The following PCDH15 variants were observed in gnomAD, a reference collection of about 807,000 sequenced individuals.
PCDH15 encodes the protein protocadherin related 15, also known as protocadherin-15.
In PCDH15, 129 loss-of-function variants were observed where a neutral mutation model predicts 178.5. That is an observed-to-expected ratio of 0.72 (90% CI 0.63 to 0.84). PCDH15 has a LOEUF of 0.84. Among genes scored for constraint, PCDH15 ranks in the 40% least tolerant of loss-of-function variants. PCDH15 has a pLI of 0.00. For synonymous variants in PCDH15, 800 were observed against 732.0 expected (o/e 1.09, Z -1.50); for missense variants, 2,230 against 2,099.9 (o/e 1.06, Z -1.21).
chr10:55,030,412 C>T (rs888494645), intron 2 of PCDH15, among the ~76,000 whole-genome samples: 2 of 152,124 alleles, frequency 1.3e-5, no homozygotes, highest in African/African-American at 4.8e-5. Context: ...AGAATAAACA[C>T]AGCTAATATT....
At chr10:54,621,712 C>A (rs1249284086) in intron 2 of PCDH15, among the ~76,000 whole-genome samples, 1 of 151,978 alleles carries the variant, frequency 6.6e-6, no homozygotes, top group Non-Finnish European at 1.5e-5. Context: ...TCCCATTTTT[C>A]TCCGCACAAT....
intron 15 of PCDH15, among the ~76,000 whole-genome samples, chr10:54,117,554 G>T (rs1365951455): frequency 6.6e-6 from 1 of 152,142 alleles, no homozygotes; most frequent in Non-Finnish European, 1.5e-5. Flanking sequence ...CCAACCAGCA[G>T]GTCCTGAGTT....
At chr10:54,081,780 A>G (rs1288364013) in intron 16 of PCDH15, among the ~76,000 whole-genome samples, 3 of 152,162 alleles carry the variant, frequency 2.0e-5, no homozygotes, top group South Asian at 2.1e-4. Context: ...TAAAGCATCA[A>G]TAACACTGCT....
intron 3 of PCDH15, among the ~76,000 whole-genome samples, chr10:54,453,482 C>T (rs2076612423): frequency 6.6e-6 from 1 of 151,686 alleles, no homozygotes; most frequent in South Asian, 2.1e-4. Flanking sequence ...GGAAGGGGAA[C>T]ATCACACACC....
At chr10:54,064,692 G>A (rs1294631291) in intron 18 of PCDH15, among the ~76,000 whole-genome samples, 1 of 152,152 alleles carries the variant, frequency 6.6e-6, no homozygotes, top group Non-Finnish European at 1.5e-5. Context: ...ACCCAAGCAC[G>A]CACACACCCA....
chr10:54,037,521 T>C (rs796594617), intron 18 of PCDH15, among the ~76,000 whole-genome samples: 6 of 146,806 alleles, frequency 4.1e-5, no homozygotes, highest in African/African-American at 1.5e-4. Context: ...AACACTTTAA[T>C]TAAGGTATGG....
chr10:54,632,330 A>C lies in PCDH15; in HGVS notation c.91+31842T>G, dbSNP rs191684929. Among the ~76,000 whole-genome samples, 5 of 152,258 alleles carry C rather than the reference A, an allele frequency of 3.3e-5. No homozygotes were observed. In the East Asian group the frequency reaches 7.7e-4, roughly 24 times the overall value. ...AGGTCTGAAAAAATACCTGCTAGGT[A>C]CTATGCTCACTATCTAAGTGATGGG... On this transcript the variant is annotated intron_variant, in intron 2 of 37. Transcript: ENST00000644397.
chr10:55,166,344 G>T (rs779198374), intron 2 of PCDH15, among the ~76,000 whole-genome samples: 18 of 152,222 alleles, frequency 1.2e-4, no homozygotes, highest in Middle Eastern at 6.8e-3. Context: ...GAAACAACAG[G>T]TATTTCACTT....
intron 2 of PCDH15, among the ~76,000 whole-genome samples, chr10:54,557,579 C>T (rs2133297992): frequency 6.6e-6 from 1 of 152,260 alleles, no homozygotes; most frequent in African/African-American, 2.4e-5. Context: ...ATCAGGAACA[C>T]TGAACAATTT....
chr10:55,125,996 T>C (rs576049198), intron 2 of PCDH15, among the ~76,000 whole-genome samples: 1 of 152,216 alleles, frequency 6.6e-6, no homozygotes, highest in East Asian at 1.9e-4. Flanking sequence ...CTTCATTAAG[T>C]TGCAATGTAT....
intron 2 of PCDH15, among the ~76,000 whole-genome samples, chr10:54,580,707 A>T (rs2090956212): frequency 6.6e-6 from 1 of 152,040 alleles, no homozygotes; most frequent in Non-Finnish European, 1.5e-5. Context: ...CCAACCAAAC[A>T]CTAGCAAACC....
intron 2 of PCDH15, among the ~76,000 whole-genome samples, chr10:55,447,805 G>C (rs575037397): frequency 2.7e-4 from 41 of 152,110 alleles, no homozygotes; most frequent in African/African-American, 9.6e-4. Context: ...CAGAGGATTG[G>C]AGTAAGGGAA....
chr10:55,476,228 G>A (rs1237927434), intron 2 of PCDH15, among the ~76,000 whole-genome samples: 1 of 151,778 alleles, frequency 6.6e-6, no homozygotes, highest in Non-Finnish European at 1.5e-5. Context: ...AGGGCCCCGG[G>A]CACTTTCCCT....
At chr10:54,684,387 A>G (rs1000151265) in intron 1 of PCDH15, among the ~76,000 whole-genome samples, 3 of 151,940 alleles carry the variant, frequency 2.0e-5, no homozygotes, top group African/African-American at 7.2e-5. Context: ...AGCTAAGGAA[A>G]TCATTTAGTT....
chr10:54,567,950 A>G (rs923150799), intron 2 of PCDH15, among the ~76,000 whole-genome samples: 14 of 152,288 alleles, frequency 9.2e-5, no homozygotes, highest in African/African-American at 2.9e-4. Context: ...GAGTAATTCA[A>G]TCTTGTAAAA....
intron 2 of PCDH15, among the ~76,000 whole-genome samples, chr10:55,389,231 AG>A (rs1837734405): frequency 6.6e-6 from 1 of 152,048 alleles, no homozygotes; most frequent in Admixed American, 6.6e-5. Flanking sequence ...GTGTGAGAAG[AG>A]GGAAGAAGTG....
chr10:54,813,906 C>T (rs1480230199), intron 3 of PCDH15, among the ~76,000 whole-genome samples: 2 of 152,110 alleles, frequency 1.3e-5, no homozygotes, highest in East Asian at 1.9e-4. Flanking sequence ...TTTTATTCCA[C>T]TCTCCTCTTG....
At chr10:54,646,686 T>C (rs754830418) in intron 2 of PCDH15, among the ~76,000 whole-genome samples, 4 of 152,096 alleles carry the variant, frequency 2.6e-5, no homozygotes. Context: ...GAACATAGGA[T>C]GTCTTTCCAC....
At chr10:54,005,562 C>G (rs999448919) in intron 20 of PCDH15, among the ~76,000 whole-genome samples, 3 of 152,020 alleles carry the variant, frequency 2.0e-5, no homozygotes, top group Admixed American at 2.0e-4. Context: ...AAAAGGTGCT[C>G]AACATCATTG....
Sources: allele counts gnomAD v4.1 joint callset (sites outside exome capture counted in the v4.1 genomes callset), GRCh38; gene constraint gnomAD v4.1.1; transcripts MANE v1.5; gene names NCBI Gene and HGNC (gene_info 2026-07-23, HGNC 2026-07-21).